The following ZBTB7C variants were observed in gnomAD, a reference collection of about 807,000 sequenced individuals.
ZBTB7C encodes zinc finger and BTB domain containing 7C.
Under a neutral mutation model 25.7 loss-of-function variants are expected in ZBTB7C, and 8 were observed. That is an observed-to-expected ratio of 0.31 (90% CI 0.18 to 0.56). The LOEUF (loss-of-function observed/expected upper bound fraction) is 0.56. ZBTB7C is among the 20% of genes least tolerant of loss of function. ZBTB7C has a pLI of 0.91. For missense variants in ZBTB7C, 824 were observed against 855.2 expected (o/e 0.96, Z 0.46); for synonymous variants, 394 against 369.0 (o/e 1.07, Z -0.78).
At chr18:48,345,012 C>T (rs945137803) in intron 1 of ZBTB7C, among the ~76,000 whole-genome samples, 5 of 152,180 alleles carry the variant, frequency 3.3e-5, no homozygotes, top group Non-Finnish European at 5.9e-5. Flanking sequence ...GCACAAACTG[C>T]CATTGTTGCA....
chr18:48,378,816 T>C (rs987746269), intron 1 of ZBTB7C, among the ~76,000 whole-genome samples: 2 of 152,108 alleles, frequency 1.3e-5, no homozygotes, highest in South Asian at 4.1e-4. Context: ...AAAAATATAA[T>C]AAATGAAGTA....
At chr18:48,056,610 A>G (rs2036924082) in intron 3 of ZBTB7C, among the ~76,000 whole-genome samples, 1 of 152,160 alleles carries the variant, frequency 6.6e-6, no homozygotes, top group Non-Finnish European at 1.5e-5. Context: ...GCATGTAATA[A>G]AGGTGGAATT....
chr18:48,093,273 C>A (rs981870204), intron 3 of ZBTB7C, among the ~76,000 whole-genome samples: 2 of 152,204 alleles, frequency 1.3e-5, no homozygotes, highest in Non-Finnish European at 2.9e-5. Flanking sequence ...TTCTTCCTGA[C>A]CTCCTGCCTC....
chr18:48,033,826 G>A (rs73953654), intron 4 of ZBTB7C, among the ~76,000 whole-genome samples: 2,155 of 152,280 alleles, frequency 0.014, 56 homozygotes, highest in African/African-American at 0.047. Flanking sequence ...ATACTGTGAC[G>A]TGCATTGGAG....
At position 48,298,152 on chromosome 18, in the gene ZBTB7C, T is replaced by C. The variant is rs549024058; in HGVS notation, c.-79+40022A>G. ...AAAATTAGCCAGACATGGTGACACA[T>C]GCTTGTAGTCCCAGCTACTCGGAAG... On this transcript the variant is annotated intron_variant, in intron 2 of 4. Transcript: ENST00000590800. Among the ~76,000 whole-genome samples, 369 of 152,124 alleles carry C rather than the reference T, an allele frequency of 2.4e-3. 3 individuals are homozygous for C. Among genetic ancestry groups the C allele is most frequent in the Middle Eastern group, 0.01 (3 of 294 alleles).
chr18:48,313,627 C>T (rs1315270831), intron 2 of ZBTB7C, among the ~76,000 whole-genome samples: 2 of 152,166 alleles, frequency 1.3e-5, no homozygotes, highest in South Asian at 2.1e-4. Flanking sequence ...TGCCCTATAT[C>T]AACTCAGTCA....
In ZBTB7C at chr18:48,296,650, G is replaced by A. The variant is rs1026180386; in HGVS notation, c.-79+41524C>T. ...GAGTCTCGGGTGCTCTCCCAATGCC[G>A]TGTCCTATGACACACATGTCCTATG... On this transcript the variant is annotated intron_variant, in intron 2 of 4. Coordinates refer to ENST00000590800, the MANE Select transcript of ZBTB7C (RefSeq NM_001318841.2). Among the ~76,000 whole-genome samples the A allele has an allele frequency of 5.9e-5, 9 of 152,152 alleles. 1 individual carries two copies. Among genetic ancestry groups the A allele is most frequent in the African/African-American group, 1.2e-4 (5 of 41,442 alleles).
chr18:48,346,281 GC>G (rs1320910231), intron 1 of ZBTB7C, among the ~76,000 whole-genome samples: 1 of 152,196 alleles, frequency 6.6e-6, no homozygotes, highest in Non-Finnish European at 1.5e-5. Context: ...CTGACCCTCT[GC>G]CACCAGCACA....
At chr18:48,257,174 G>T (rs777640762) in intron 2 of ZBTB7C, among the ~76,000 whole-genome samples, 23 of 152,072 alleles carry the variant, frequency 1.5e-4, no homozygotes, top group Non-Finnish European at 3.2e-4. Flanking sequence ...TAATACTAAT[G>T]AAAAGAAAGC....
At chr18:48,200,192 C>T (rs766284472) in intron 2 of ZBTB7C, among the ~76,000 whole-genome samples, 1 of 152,104 alleles carries the variant, frequency 6.6e-6, no homozygotes, top group African/African-American at 2.4e-5. Context: ...GTGAATTAAC[C>T]GTGAAGAGTC....
rs1568265024 is a variant in ZBTB7C, at chr18:48,158,244, G to A, written c.-17+27690C>T. On this transcript the variant is annotated intron_variant, in intron 3 of 4. Coordinates refer to ENST00000590800, the MANE Select transcript of ZBTB7C (RefSeq NM_001318841.2). ...TGGTGGCTGCCAAAGGTGCCTATCA[G>A]GAACGACAGGTGATTTGCTTTTGGG... is the stretch of plus-strand genomic sequence containing the variant. Among the ~76,000 whole-genome samples, 4 of 152,330 alleles carry A rather than the reference G, an allele frequency of 2.6e-5. No individual in the cohort carries two copies. In the South Asian group the frequency reaches 6.2e-4, roughly 24 times the overall value.
chr18:48,060,863 G>A (rs2037100369), intron 3 of ZBTB7C, among the ~76,000 whole-genome samples: 1 of 152,152 alleles, frequency 6.6e-6, no homozygotes, highest in Non-Finnish European at 1.5e-5. Flanking sequence ...AGACCACAGC[G>A]GGTGCTGCAG....
At chr18:48,375,262 G>A (rs998837251) in intron 1 of ZBTB7C, among the ~76,000 whole-genome samples, 6 of 152,306 alleles carry the variant, frequency 3.9e-5, no homozygotes, top group East Asian at 1.9e-4. Flanking sequence ...CTCCCCGCCT[G>A]GTGTGCTGGC....
At chr18:48,138,061 C>T (rs1030295903) in intron 3 of ZBTB7C, among the ~76,000 whole-genome samples, 3 of 152,240 alleles carry the variant, frequency 2.0e-5, no homozygotes, top group Non-Finnish European at 2.9e-5. Flanking sequence ...GGGGGAAGCG[C>T]CAGGGGAGTG....
At chr18:48,339,135 G>C (rs2046532308) in intron 1 of ZBTB7C, among the ~76,000 whole-genome samples, 1 of 152,248 alleles carries the variant, frequency 6.6e-6, no homozygotes, top group Admixed American at 6.5e-5. Context: ...GCCTGCCCCA[G>C]CCTGGAGGTC....
intron 3 of ZBTB7C, among the ~76,000 whole-genome samples, chr18:48,054,655 G>A (rs1462517461): frequency 1.3e-5 from 2 of 152,068 alleles, no homozygotes; most frequent in Admixed American, 6.5e-5. Context: ...AGCAAACGCC[G>A]TCCACCACGA....
intron 1 of ZBTB7C, among the ~76,000 whole-genome samples, chr18:48,397,669 T>C (rs958752205): frequency 6.6e-6 from 1 of 152,212 alleles, no homozygotes; most frequent in African/African-American, 2.4e-5. Flanking sequence ...GCCAAGTTCA[T>C]CACAGGTCTC....
chr18:48,305,861 T>G (rs2045660580), intron 2 of ZBTB7C, among the ~76,000 whole-genome samples: 1 of 152,026 alleles, frequency 6.6e-6, no homozygotes, highest in African/African-American at 2.4e-5. Context: ...GCCCCAAGGG[T>G]GGCATGTCCA....
chr18:48,329,855 A>G (rs2046305319), intron 2 of ZBTB7C, among the ~76,000 whole-genome samples: 1 of 152,184 alleles, frequency 6.6e-6, no homozygotes, highest in African/African-American at 2.4e-5. Flanking sequence ...AAAGTTGTTG[A>G]GGGCTCACTG....
Sources: allele counts gnomAD v4.1 joint callset (sites outside exome capture counted in the v4.1 genomes callset), GRCh38; gene constraint gnomAD v4.1.1; transcripts MANE v1.5; gene names NCBI Gene and HGNC (gene_info 2026-07-23, HGNC 2026-07-21).